POU6F2: variants seen among roughly 807,000 people sequenced by gnomAD.
POU6F2 encodes the protein POU domain, class 6, transcription factor 2.
In POU6F2, 31 loss-of-function variants were observed where a neutral mutation model predicts 71.3. The ratio of observed to expected loss-of-function variants is 0.43; its 90% confidence interval spans 0.33 to 0.59. The LOEUF is 0.59. Among genes scored for constraint, POU6F2 ranks in the 20% least tolerant of loss-of-function variants. The pLI is 0.04. For missense variants in POU6F2, 783 were observed against 856.8 expected (o/e 0.91, Z 1.07); for synonymous variants, 347 against 355.7 (o/e 0.98, Z 0.27).
chr7:39,282,572 A>G (rs1784580199), intron 4 of POU6F2, among the ~76,000 whole-genome samples: 1 of 152,072 alleles, frequency 6.6e-6, no homozygotes, highest in South Asian at 2.1e-4. Flanking sequence ...TGGCACCTTT[A>G]TCAAAAATCA....
chr7:39,193,457 CT>C (rs1238575753), intron 2 of POU6F2, among the ~76,000 whole-genome samples: 1 of 152,132 alleles, frequency 6.6e-6, no homozygotes, highest in Non-Finnish European at 1.5e-5. Flanking sequence ...TGTGGTCTGT[CT>C]TTTTGAAATA....
At chr7:39,312,766 T>G (rs1364256924) in intron 4 of POU6F2, among the ~76,000 whole-genome samples, 7 of 152,206 alleles carry the variant, frequency 4.6e-5, no homozygotes, top group African/African-American at 1.7e-4. Context: ...ACAGTCAGTC[T>G]GACAACTAAG....
chr7:39,099,145 G>C (rs1791518794), intron 2 of POU6F2, among the ~76,000 whole-genome samples: 1 of 152,240 alleles, frequency 6.6e-6, no homozygotes, highest in African/African-American at 2.4e-5. Flanking sequence ...GAGGTGGTGA[G>C]CAAGGATGGA....
chr7:39,079,675 C>A (rs1263027951), intron 1 of POU6F2, among the ~76,000 whole-genome samples: 1 of 152,056 alleles, frequency 6.6e-6, no homozygotes, highest in African/African-American at 2.4e-5. Flanking sequence ...TCACAGAAAT[C>A]TTATATATTT....
At chr7:39,443,036 A>C (rs1053173517) in intron 7 of POU6F2, among the ~76,000 whole-genome samples, 1 of 152,174 alleles carries the variant, frequency 6.6e-6, no homozygotes, top group Admixed American at 6.5e-5. Flanking sequence ...AGCAGATATC[A>C]GTAATCCATT....
intron 6 of POU6F2, among the ~76,000 whole-genome samples, chr7:39,419,144 CGTATATATGTGTATATATACACATATAT>C (rs1562544687): frequency 7.4e-6 from 1 of 134,696 alleles, no homozygotes; most frequent in Non-Finnish European, 1.5e-5. Context: ...CATATATATA[CGTATATATGTGTATATATACACATATAT>C]ATACGTATAT....
At chr7:39,029,272 C>A (rs568540804) in intron 1 of POU6F2, among the ~76,000 whole-genome samples, 2 of 151,990 alleles carry the variant, frequency 1.3e-5, no homozygotes, top group Admixed American at 6.6e-5. Context: ...GTTTTATATT[C>A]TTTTGGTTTT....
At chr7:39,427,143 A>T (rs1440142885) in intron 6 of POU6F2, among the ~76,000 whole-genome samples, 5 of 152,232 alleles carry the variant, frequency 3.3e-5, no homozygotes, top group Admixed American at 2.0e-4. Flanking sequence ...GCTACGAATG[A>T]CCATTTATTA....
At chr7:39,231,203 T>C (rs1794568134) in intron 4 of POU6F2, among the ~76,000 whole-genome samples, 1 of 152,226 alleles carries the variant, frequency 6.6e-6, no homozygotes, top group African/African-American at 2.4e-5. Flanking sequence ...CTTTACAATC[T>C]GAAAGTGTAA....
intron 2 of POU6F2, among the ~76,000 whole-genome samples, chr7:39,136,597 A>T (rs1209058184): frequency 6.6e-6 from 1 of 152,200 alleles, no homozygotes; most frequent in Admixed American, 6.5e-5. Context: ...ATATGCTTGT[A>T]AAATAGGCAA....
chr7:39,094,568 T>C (rs952678510), intron 2 of POU6F2, among the ~76,000 whole-genome samples: 3 of 152,146 alleles, frequency 2.0e-5, no homozygotes, highest in Non-Finnish European at 4.4e-5. Flanking sequence ...ACTATTAATG[T>C]GGTATTATTA....
chr7:39,019,279 A>C (rs1789625840), intron 1 of POU6F2, among the ~76,000 whole-genome samples: 1 of 152,182 alleles, frequency 6.6e-6, no homozygotes, highest in South Asian at 2.1e-4. Flanking sequence ...GTTTTCTGGC[A>C]TCCAACATCA....
intron 1 of POU6F2, among the ~76,000 whole-genome samples, chr7:39,043,953 G>A (rs190608434): frequency 6.9e-4 from 105 of 151,964 alleles, no homozygotes; most frequent in Non-Finnish European, 1.3e-3. Flanking sequence ...AAATTATTGG[G>A]AAATACATCT....
chr7:39,086,149 A>G, intron 2 of POU6F2, 118 bp downstream of exon 2: 1 of 1,118,138 alleles, frequency 8.9e-7, no homozygotes, highest in Non-Finnish European at 1.2e-6. Flanking sequence ...AGTACTAAAA[A>G]GGAGCATCTT....
chr7:39,347,418 A>G (rs532660279), intron 5 of POU6F2, among the ~76,000 whole-genome samples: 1 of 152,268 alleles, frequency 6.6e-6, no homozygotes, highest in South Asian at 2.1e-4. Context: ...TCAGAGAGGT[A>G]CGGGGCATTT....
intron 6 of POU6F2, among the ~76,000 whole-genome samples, chr7:39,429,118 T>TA (rs60711102): frequency 0.4 from 59,129 of 148,580 alleles, 11,846 homozygotes; most frequent in Admixed American, 0.48. Context: ...ATAATAATAA[T>TA]AAAAAAAAAA....
At chr7:38,986,338 T>C (rs1178713545) in intron 1 of POU6F2, among the ~76,000 whole-genome samples, 2 of 152,118 alleles carry the variant, frequency 1.3e-5, no homozygotes, top group Non-Finnish European at 2.9e-5. Flanking sequence ...TTTGCAGCTG[T>C]TAAACATCAA....
intron 2 of POU6F2, among the ~76,000 whole-genome samples, chr7:39,184,150 G>A (rs1429963904): frequency 3.9e-5 from 6 of 152,080 alleles, no homozygotes; most frequent in Non-Finnish European, 8.8e-5. Context: ...ATGCAAATAG[G>A]CCAATAAATT....
chr7:39,086,202 G>A (rs996848803), intron 2 of POU6F2, among the ~76,000 whole-genome samples, 171 bp downstream of exon 2: 2 of 151,728 alleles, frequency 1.3e-5, no homozygotes, highest in Non-Finnish European at 2.9e-5. Context: ...CGGCTAGGAG[G>A]ATGTCCTCCA....
Sources: allele counts gnomAD v4.1 joint callset (sites outside exome capture counted in the v4.1 genomes callset), GRCh38; gene constraint gnomAD v4.1.1; transcripts MANE v1.5; gene names NCBI Gene and HGNC (gene_info 2026-07-23, HGNC 2026-07-21).